Variants in ICA1L observed in about 807,000 individuals in gnomAD.
ICA1L encodes the protein islet cell autoantigen 1 like, also known as islet cell autoantigen 1-like protein.
In ICA1L, 50 loss-of-function variants were observed where a neutral mutation model predicts 61.3. The observed-to-expected ratio is 0.82, with a 90% CI of 0.65 to 1.03. ICA1L has a LOEUF of 1.03. Among genes scored for constraint, ICA1L ranks in the 50% least tolerant of loss-of-function variants. The pLI is 0.00. For missense variants in ICA1L, 508 were observed against 556.7 expected (o/e 0.91, Z 0.88); for synonymous variants, 161 against 191.3 (o/e 0.84, Z 1.31).
At chr2:202,838,028 T>A (rs2105868696) in intron 1 of ICA1L, among the ~76,000 whole-genome samples, 1 of 152,198 alleles carries the variant, frequency 6.6e-6, no homozygotes, top group East Asian at 1.9e-4. Flanking sequence ...TAATTTTTTG[T>A]ATTTTTAGTA....
At chr2:202,788,747 G>T in intron 11 of ICA1L, 83 bp downstream of exon 11, 1 of 1,382,708 alleles carries the variant, frequency 7.2e-7, no homozygotes, top group Non-Finnish European at 1.0e-6. Context: ...TCTGCTTGTT[G>T]GTTCTAGCAT....
chr2:202,796,942 T>C lies in ICA1L; in HGVS notation c.933A>G (p.Lys311=), dbSNP rs1313043354. 6.3e-7 allele frequency: 1 copy of C among 1,598,408 alleles called. No individual in the cohort carries two copies. Among genetic ancestry groups the C allele is most frequent in the South Asian group, 1.1e-5 (1 of 88,182 alleles). The change falls in exon 10 of 13, where the codon AAA becomes AAG. Residue 311 remains lysine, a synonymous_variant. Transcript: ENST00000358299. ...SEQANKDHNE[K]HSQMREFGAP... ...CTCCAAATTCTCTCATTTGAGAATG[T>C]TTTTCATTGTGATCTTTGTTTGCTA...
intron 1 of ICA1L, among the ~76,000 whole-genome samples, chr2:202,850,638 G>A (rs1327182053): frequency 6.6e-6 from 1 of 152,328 alleles, no homozygotes; most frequent in Non-Finnish European, 1.5e-5. Context: ...ATGGGACTAT[G>A]TGAAAAGACC....
intron 9 of ICA1L, among the ~76,000 whole-genome samples, chr2:202,800,333 G>A (rs542767087): frequency 4.1e-4 from 63 of 152,140 alleles, no homozygotes; most frequent in African/African-American, 1.5e-3. Flanking sequence ...TCAAAACAGC[G>A]CTGTCTTGTG....
At chr2:202,783,972 G>T (rs1036363584) in intron 12 of ICA1L, among the ~76,000 whole-genome samples, 1 of 152,134 alleles carries the variant, frequency 6.6e-6, no homozygotes, top group African/African-American at 2.4e-5. Flanking sequence ...CCTAAGTGAA[G>T]AATGTATAGT....
chr2:202,819,653 G>T, intron 5 of ICA1L, 48 bp downstream of exon 5: 3 of 1,348,476 alleles, frequency 2.2e-6, no homozygotes, highest in Non-Finnish European at 3.2e-6. Context: ...TTCTGTGGCA[G>T]TTTCATATTT....
At chr2:202,840,353 G>T in intron 1 of ICA1L, 1 of 486,432 alleles carries the variant, frequency 2.1e-6, no homozygotes, top group South Asian at 1.6e-5. Flanking sequence ...GACATCAGAG[G>T]ACTCGGACAC....
chr2:202,855,541 T>C (rs1249379040), intron 1 of ICA1L, among the ~76,000 whole-genome samples: 1 of 151,920 alleles, frequency 6.6e-6, no homozygotes. Flanking sequence ...CTAGAGGAAA[T>C]GGGTAAATTC....
intron 1 of ICA1L, among the ~76,000 whole-genome samples, chr2:202,864,347 C>G (rs1487492187): frequency 2.0e-5 from 3 of 151,996 alleles, no homozygotes; most frequent in Admixed American, 2.0e-4. Context: ...GGGTTCACGC[C>G]ATTCTCCTGC....
intron 1 of ICA1L, among the ~76,000 whole-genome samples, chr2:202,863,547 G>A (rs531091810): frequency 4.6e-5 from 7 of 151,656 alleles, no homozygotes; most frequent in South Asian, 4.2e-4. Context: ...AAAAAAGGCC[G>A]GGCGCGGTGG....
rs114597612 is a variant in ICA1L, at chr2:202,845,022, C to G, written c.-7-16006G>C. 1.3e-3 allele frequency among the ~76,000 whole-genome samples: 201 copies of G among 152,286 alleles called. 1 individual carries two copies. Among genetic ancestry groups the G allele is most frequent in the African/African-American group, 4.7e-3 (196 of 41,582 alleles). ...GGCCAGCAGCATAGCATCTTCTAAT[C>G]TTTCTCTAATTCTATATGTCATCAC... On this transcript the variant is annotated intron_variant, in intron 1 of 12. Coordinates refer to ENST00000358299, the MANE Select transcript of ICA1L (RefSeq NM_001288622.3).
At chr2:202,785,794 AATC>A in intron 12 of ICA1L, 121 bp downstream of exon 12, 2 of 547,936 alleles carry the variant, frequency 3.7e-6, no homozygotes, top group Non-Finnish European at 6.3e-6. Context: ...TTTTAATAAT[AATC>A]ATTATTAAAC....
chr2:202,787,940 C>G (rs1393781723), intron 11 of ICA1L, among the ~76,000 whole-genome samples: 1 of 152,162 alleles, frequency 6.6e-6, no homozygotes, highest in Non-Finnish European at 1.5e-5. Context: ...ATACTCAGGC[C>G]CACGTCCAAG....
intron 11 of ICA1L, among the ~76,000 whole-genome samples, chr2:202,787,773 A>C (rs576707194): frequency 1.3e-5 from 2 of 152,344 alleles, no homozygotes; most frequent in African/African-American, 4.8e-5. Context: ...CTAGGATGTG[A>C]GAGACTGGAA....
At chr2:202,857,344 TTGACAAACC>T (rs1694794583) in intron 1 of ICA1L, among the ~76,000 whole-genome samples, 1 of 152,106 alleles carries the variant, frequency 6.6e-6, no homozygotes, top group Admixed American at 6.6e-5. Context: ...CACCTGATCT[TTGACAAACC>T]TGACAAAAAC....
At chr2:202,840,332 C>A in intron 1 of ICA1L, 1 of 477,890 alleles carries the variant, frequency 2.1e-6, no homozygotes, top group South Asian at 1.6e-5. Flanking sequence ...TGCAGCTGTT[C>A]ACTTGGGCAG....
intron 1 of ICA1L, among the ~76,000 whole-genome samples, chr2:202,843,414 G>A (rs1694381501): frequency 6.6e-6 from 1 of 152,192 alleles, no homozygotes; most frequent in South Asian, 2.1e-4. Flanking sequence ...AACGTTCTGA[G>A]TTTCTGCAGT....
chr2:202,816,318 A>G (rs1693533642), intron 6 of ICA1L, among the ~76,000 whole-genome samples: 1 of 152,210 alleles, frequency 6.6e-6, no homozygotes, highest in African/African-American at 2.4e-5. Context: ...TGAGATATCA[A>G]AAAGAGAAAT....
chr2:202,811,241 C>T (rs995604986), intron 9 of ICA1L, among the ~76,000 whole-genome samples: 1 of 152,104 alleles, frequency 6.6e-6, no homozygotes, highest in Non-Finnish European at 1.5e-5. Flanking sequence ...TGTACTCTGT[C>T]CCTTTATTTC....
Sources: gnomAD v4.1 joint callset for allele counts (sites outside exome capture counted in the v4.1 genomes callset) on GRCh38, gnomAD v4.1.1 for gene constraint, MANE v1.5 for transcripts, NCBI Gene and HGNC (gene_info 2026-07-23, HGNC 2026-07-21) for gene names.